Variants in NCKAP5 observed in about 807,000 individuals in gnomAD.
NCKAP5 encodes nck-associated protein 5.
NCKAP5 carries 92 observed loss-of-function variants against 167.0 expected under a neutral mutation model. The observed-to-expected ratio is 0.55, with a 90% confidence interval of 0.47 to 0.66. The LOEUF (loss-of-function observed/expected upper bound fraction) is 0.66, where lower values mean the gene tolerates loss of function less well. Ranked by LOEUF, NCKAP5 falls within the 30% of genes least tolerant of loss-of-function variation. NCKAP5 has a pLI of 0.00. For missense variants in NCKAP5, 2,378 were observed against 2,315.0 expected, an observed-to-expected ratio of 1.03 and a Z score of -0.56; for synonymous variants, 891 against 877.4, an observed-to-expected ratio of 1.02 and a Z score of -0.27.
At chr2:133,455,232 G>T (rs75805554) in intron 3 of NCKAP5, among the ~76,000 whole-genome samples, 1,959 of 152,082 alleles carry the variant, frequency 0.013, 42 homozygotes, top group African/African-American at 0.044. Flanking sequence ...TCTATTTTTT[G>T]TAAAGCCTAA....
chr2:133,418,816 T>C (rs1482861154), intron 3 of NCKAP5, among the ~76,000 whole-genome samples: 1 of 152,160 alleles, frequency 6.6e-6, no homozygotes, highest in African/African-American at 2.4e-5. Flanking sequence ...TTAAAGAACT[T>C]TTGAAATAAA....
chr2:133,163,001 C>T (rs138299540), intron 5 of NCKAP5, among the ~76,000 whole-genome samples: 1 of 152,226 alleles, frequency 6.6e-6, no homozygotes, highest in African/African-American at 2.4e-5. Flanking sequence ...TAAAAGAGAA[C>T]TGCCCAAGGA....
chr2:133,636,302 C>A, the NCKAP5 span, among the ~76,000 whole-genome samples: 1 of 152,144 alleles, frequency 6.6e-6, no homozygotes, highest in East Asian at 1.9e-4. Context: ...ATGTTTATAT[C>A]AAAGACAGAG....
the NCKAP5 span, among the ~76,000 whole-genome samples, chr2:133,640,173 G>A: frequency 6.6e-6 from 1 of 152,168 alleles, no homozygotes; most frequent in Non-Finnish European, 1.5e-5. Flanking sequence ...TGGATACACA[G>A]GAACATCAAT....
chr2:132,947,229 GT>G (rs1487426362), intron 8 of NCKAP5, among the ~76,000 whole-genome samples: 1 of 152,074 alleles, frequency 6.6e-6, no homozygotes, highest in Non-Finnish European at 1.5e-5. Context: ...TTTTTGAAAA[GT>G]TTTTATTTTG....
intron 5 of NCKAP5, among the ~76,000 whole-genome samples, chr2:133,212,151 G>A (rs945508234): frequency 5.3e-5 from 8 of 152,168 alleles, no homozygotes; most frequent in Non-Finnish European, 1.0e-4. Context: ...ACTGACCTAC[G>A]AAAGTTAAGT....
rs1437534443 is a variant in NCKAP5 at position 132,782,442 on chromosome 2, T to C, written c.4369A>G (p.Thr1457Ala). The C allele has an allele frequency of 1.9e-6, 3 of 1,613,714 alleles. No homozygotes were observed. The highest frequency in any genetic ancestry group is 1.3e-5 in the African/African-American group (1 of 74,896). ...TCTGAACTCACAGCATCAGTCGCGG[T>C]TGCAGAGGCATCTGGATGCCTTCCA... is the stretch of plus-strand genomic sequence containing the variant. ...TSGRHPDASA[T>A]ATDAVSSEAP... Residue 1457 changes from threonine to alanine, a missense_variant, in exon 14 of 20, where the codon ACC becomes GCC. Physicochemically the swap from Thr to Ala is moderately conservative, Grantham distance 58. Transcript: ENST00000409261.
intron 7 of NCKAP5, among the ~76,000 whole-genome samples, chr2:132,977,470 C>T (rs1198900177): frequency 6.6e-6 from 1 of 152,050 alleles, no homozygotes; most frequent in Non-Finnish European, 1.5e-5. Context: ...CACATAGGAG[C>T]AAATCAACTT....
chr2:132,682,846 T>A (rs956724244), intron 19 of NCKAP5, among the ~76,000 whole-genome samples: 4 of 152,152 alleles, frequency 2.6e-5, no homozygotes, highest in Non-Finnish European at 5.9e-5. Context: ...CTGGTGACTT[T>A]CTGAAATTGA....
chr2:133,534,487 T>C (rs1685601557), intron 2 of NCKAP5, among the ~76,000 whole-genome samples: 2 of 152,106 alleles, frequency 1.3e-5, no homozygotes, highest in African/African-American at 4.8e-5. Context: ...GCAGTGCTTC[T>C]CCATCCCCTA....
chr2:132,968,629 A>T (rs2149224647), intron 7 of NCKAP5, among the ~76,000 whole-genome samples: 1 of 152,334 alleles, frequency 6.6e-6, no homozygotes, highest in East Asian at 1.9e-4. Flanking sequence ...AAATGACAAG[A>T]GAACAGAAAA....
chr2:133,613,189 C>T, the NCKAP5 span, among the ~76,000 whole-genome samples: 1 of 152,128 alleles, frequency 6.6e-6, no homozygotes, highest in African/African-American at 2.4e-5. Context: ...GGAGACATTC[C>T]CCCAGAAACA....
intron 7 of NCKAP5, among the ~76,000 whole-genome samples, chr2:132,965,287 A>T (rs2076626699): frequency 1.3e-5 from 2 of 152,232 alleles, no homozygotes; most frequent in Admixed American, 6.5e-5. Flanking sequence ...GTACATCCAC[A>T]GGCCAGGAAA....
At chr2:133,259,421 A>T (rs72985688) in intron 4 of NCKAP5, among the ~76,000 whole-genome samples, 3,906 of 152,350 alleles carry the variant, frequency 0.026, 151 homozygotes, top group African/African-American at 0.084. Context: ...AACTCATGAA[A>T]CCTAAGATCT....
chr2:133,273,598 T>G (rs1244141608), intron 4 of NCKAP5, among the ~76,000 whole-genome samples: 1 of 151,892 alleles, frequency 6.6e-6, no homozygotes, highest in Admixed American at 6.6e-5. Context: ...TTAGAAGGAC[T>G]CTGATACCAA....
At chr2:133,317,369 T>C (rs1402035990) in intron 3 of NCKAP5, among the ~76,000 whole-genome samples, 1 of 152,124 alleles carries the variant, frequency 6.6e-6, no homozygotes, top group African/African-American at 2.4e-5. Flanking sequence ...AGTATGGTAT[T>C]CCATGGCCAC....
intron 19 of NCKAP5, among the ~76,000 whole-genome samples, chr2:132,699,875 T>G (rs1210061197): frequency 6.6e-6 from 1 of 152,208 alleles, no homozygotes; most frequent in African/African-American, 2.4e-5. Flanking sequence ...AAATGATATT[T>G]CTAGTTCTAG....
chr2:133,022,649 T>A (rs1369100732), intron 6 of NCKAP5, among the ~76,000 whole-genome samples: 1 of 152,060 alleles, frequency 6.6e-6, no homozygotes, highest in African/African-American at 2.4e-5. Context: ...AATCAATTAC[T>A]CCCCTGTAAG....
intron 6 of NCKAP5, among the ~76,000 whole-genome samples, chr2:133,066,736 A>T (rs1314115423): frequency 6.6e-6 from 1 of 152,198 alleles, no homozygotes; most frequent in Non-Finnish European, 1.5e-5. Flanking sequence ...AGTCTGCAAA[A>T]ATTTTTGCAA....
Sources: gnomAD v4.1 joint callset for allele counts (sites outside exome capture counted in the v4.1 genomes callset) on GRCh38, gnomAD v4.1.1 for gene constraint, MANE v1.5 for transcripts, NCBI Gene and HGNC (gene_info 2026-07-23, HGNC 2026-07-21) for gene names.